The following UHRF1 variants were observed in gnomAD, a reference collection of about 807,000 sequenced individuals.
UHRF1 encodes E3 ubiquitin-protein ligase UHRF1.
In UHRF1, 9 loss-of-function variants were observed where a neutral mutation model predicts 96.5. That is an observed-to-expected ratio of 0.09 (90% confidence interval 0.06 to 0.16). UHRF1 has a LOEUF of 0.16. UHRF1 is among the 10% of genes least tolerant of loss of function. UHRF1 has a pLI of 1.00. For missense variants in UHRF1, 626 were observed against 1,131.1 expected (o/e 0.55, Z 6.40); for synonymous variants, 455 against 469.9 (o/e 0.97, Z 0.41).
chr19:4,920,893 A>G (rs571462387), intron 2 of UHRF1, among the ~76,000 whole-genome samples: 2 of 152,334 alleles, frequency 1.3e-5, no homozygotes, highest in South Asian at 2.1e-4. Flanking sequence ...TGGGAGGCCA[A>G]GGCGGGTGGA....
chr19:4,914,287 C>T (rs2032405897), intron 2 of UHRF1, among the ~76,000 whole-genome samples: 1 of 152,082 alleles, frequency 6.6e-6, no homozygotes, highest in East Asian at 1.9e-4. Flanking sequence ...CAGCACCTCC[C>T]AGAGCGTGAA....
At chr19:4,909,741 C>A (rs368651322) in intron 1 of UHRF1, 86 bp downstream of exon 1, 5 of 488,578 alleles carry the variant, frequency 1.0e-5, no homozygotes, top group Non-Finnish European at 1.8e-5. Context: ...GCGCGGCCAG[C>A]CCGGGCGCAC....
At chr19:4,959,081 A>G (rs2033928141) in intron 16 of UHRF1, among the ~76,000 whole-genome samples, 1 of 151,882 alleles carries the variant, frequency 6.6e-6, no homozygotes, top group Non-Finnish European at 1.5e-5. Flanking sequence ...CGCGGGGCTA[A>G]AGAGATCCTC....
At chr19:4,926,369 C>T (rs2032871486) in intron 2 of UHRF1, among the ~76,000 whole-genome samples, 2 of 152,210 alleles carry the variant, frequency 1.3e-5, no homozygotes, top group South Asian at 4.1e-4. Flanking sequence ...CTCCTCCTGG[C>T]TCCCAGGCAG....
At chr19:4,934,198 A>G (rs1398112878) in intron 5 of UHRF1, among the ~76,000 whole-genome samples, 1 of 149,898 alleles carries the variant, frequency 6.7e-6, no homozygotes, top group South Asian at 2.1e-4. Context: ...TAATTTTTGT[A>G]TATATATATA....
intron 5 of UHRF1, among the ~76,000 whole-genome samples, chr19:4,940,359 ATTTTTTTTTT>A (rs543779456): frequency 2.5e-4 from 17 of 67,068 alleles, no homozygotes; most frequent in African/African-American, 8.9e-4. Flanking sequence ...TGCCTTTATG[ATTTTTTTTTT>A]TTTTTTTTTT....
intron 13 of UHRF1, among the ~76,000 whole-genome samples, chr19:4,953,793 C>A (rs916095305): frequency 6.6e-6 from 1 of 152,090 alleles, no homozygotes; most frequent in African/African-American, 2.4e-5. Context: ...AGCCTGTAAT[C>A]CCAGCATTTT....
intron 2 of UHRF1, among the ~76,000 whole-genome samples, chr19:4,918,562 G>A (rs2032599898): frequency 6.6e-6 from 1 of 151,396 alleles, no homozygotes; most frequent in Admixed American, 6.6e-5. Flanking sequence ...CTACAGGCAT[G>A]CACCACCATG....
At chr19:4,955,424 C>T (rs1347178182) in intron 15 of UHRF1, among the ~76,000 whole-genome samples, 2 of 152,110 alleles carry the variant, frequency 1.3e-5, no homozygotes, top group Non-Finnish European at 2.9e-5. Context: ...CTCGGGAGGA[C>T]CTCGGGGTGA....
intron 2 of UHRF1, among the ~76,000 whole-genome samples, chr19:4,928,222 A>C (rs1333167282): frequency 6.6e-6 from 1 of 152,056 alleles, no homozygotes; most frequent in African/African-American, 2.4e-5. Flanking sequence ...TGCAGTGCCC[A>C]GGATGGCTCC....
intron 11 of UHRF1, among the ~76,000 whole-genome samples, chr19:4,948,101 C>CAAAAAAAAAAA (rs545933981): frequency 1.3e-5 from 1 of 75,748 alleles, no homozygotes; most frequent in African/African-American, 4.5e-5. Flanking sequence ...GAGATCTTGT[C>CAAAAAAAAAAA]AAAAAAAAAA....
chr19:4,936,882 T>C (rs993499115), intron 5 of UHRF1, among the ~76,000 whole-genome samples: 3 of 151,968 alleles, frequency 2.0e-5, no homozygotes, highest in Non-Finnish European at 4.4e-5. Flanking sequence ...TAACAACTTA[T>C]ATTAATAAAC....
intron 2 of UHRF1, among the ~76,000 whole-genome samples, chr19:4,918,728 T>TG (rs2032606847): frequency 6.7e-6 from 1 of 148,516 alleles, no homozygotes; most frequent in African/African-American, 2.5e-5. Context: ...TTTTTTTTTT[T>TG]TTTTTTTTTT....
Position 4,944,261 on chromosome 19 carries a change from G to A in UHRF1, c.1197+6G>A, listed in dbSNP as rs200692892. The A allele has an allele frequency of 1.2e-3, 1,941 of 1,614,014 alleles. 1 individual carries two copies. The highest frequency in any genetic ancestry group is 1.5e-3 in the Admixed American group (89 of 60,032). ...CACAGCGGGACTGGGGCAAGGTGAG[G>A]CGGGTCCTTCCCACGTGCCCGTGGC... On this transcript the variant is annotated splice_donor_region_variant and intron_variant, in intron 8 of 16. Transcript: ENST00000650932.
upstream of UHRF1, among the ~76,000 whole-genome samples, chr19:4,905,108 CTTTTTTTTT>C (rs61443004): frequency 7.4e-5 from 7 of 95,182 alleles, no homozygotes; most frequent in South Asian, 3.3e-4. Flanking sequence ...CGTAAACTTT[CTTTTTTTTT>C]TTTTTTTTTT....
chr19:4,921,933 A>G (rs760358173), intron 2 of UHRF1, among the ~76,000 whole-genome samples: 2 of 152,076 alleles, frequency 1.3e-5, no homozygotes, highest in South Asian at 4.1e-4. Flanking sequence ...TAAAAACTCG[A>G]TTTTTATTTT....
upstream of UHRF1, among the ~76,000 whole-genome samples, chr19:4,908,488 C>T (rs752426521): frequency 5.9e-5 from 9 of 152,068 alleles, no homozygotes; most frequent in Non-Finnish European, 1.2e-4. Context: ...GCTCAGTGGG[C>T]CCCAACCACA....
At chr19:4,958,454 C>G (rs1012186587) in intron 16 of UHRF1, among the ~76,000 whole-genome samples, 34 of 152,158 alleles carry the variant, frequency 2.2e-4, no homozygotes, top group African/African-American at 8.0e-4. Context: ...AAGAGGGAGG[C>G]CTGGGAGCCC....
At chr19:4,925,371 T>C (rs1009651229) in intron 2 of UHRF1, among the ~76,000 whole-genome samples, 5 of 152,148 alleles carry the variant, frequency 3.3e-5, no homozygotes, top group African/African-American at 1.2e-4. Flanking sequence ...CCTGGAAATT[T>C]CATAGAAATG....
Sources: allele counts gnomAD v4.1 joint callset (sites outside exome capture counted in the v4.1 genomes callset), GRCh38; gene constraint gnomAD v4.1.1; transcripts MANE v1.5; gene names NCBI Gene and HGNC (gene_info 2026-07-23, HGNC 2026-07-21).